The following ARID4A variants were observed in gnomAD, a reference collection of about 807,000 sequenced individuals.
ARID4A encodes the protein AT-rich interactive domain-containing protein 4A.
Under a neutral mutation model 148.6 loss-of-function variants are expected in ARID4A, and 39 were observed. That is an observed-to-expected ratio of 0.26 (90% CI 0.20 to 0.34). The LOEUF is 0.34. Ranked by LOEUF, ARID4A falls within the 10% of genes least tolerant of loss-of-function variation. The probability of loss-of-function intolerance (pLI) is 1.00; values close to 1 mark genes in which losing one functional copy is unlikely to be tolerated. For missense variants in ARID4A, 1,265 were observed against 1,449.1 expected (o/e 0.87, Z 2.06); for synonymous variants, 475 against 481.2 (o/e 0.99, Z 0.17).
chr14:58,318,808 G>A lies in ARID4A; in HGVS notation c.449+3G>A, dbSNP rs754315317. On this transcript the variant is annotated splice_donor_region_variant and intron_variant, in intron 7 of 23. Coordinates refer to ENST00000355431, the MANE Select transcript of ARID4A (RefSeq NM_002892.4). ...GGAAGGAGATCTTCTCTTCCTGTGT[G>A]AGTTTTTTCATATATGGTATCATTT... The A allele has an allele frequency of 1.2e-6, 2 of 1,605,486 alleles. No individual in the cohort carries two copies. Among genetic ancestry groups the A allele is most frequent in the Admixed American group, 3.3e-5 (2 of 59,878 alleles).
At chr14:58,302,419 G>A (rs866840685) in intron 3 of ARID4A, among the ~76,000 whole-genome samples, 6 of 151,834 alleles carry the variant, frequency 4.0e-5, no homozygotes, top group Admixed American at 6.6e-5. Flanking sequence ...GCTTGAACCC[G>A]GGAGGCGGAG....
chr14:58,330,322 G>C (rs977371846), intron 11 of ARID4A, among the ~76,000 whole-genome samples, 153 bp downstream of exon 11: 1 of 152,094 alleles, frequency 6.6e-6, no homozygotes, highest in Admixed American at 6.5e-5. Context: ...AAGCATTTTG[G>C]CTCATAGCAT....
At chr14:58,312,008 C>T (rs2032077116) in intron 5 of ARID4A, among the ~76,000 whole-genome samples, 1 of 152,034 alleles carries the variant, frequency 6.6e-6, no homozygotes, top group South Asian at 2.1e-4. Context: ...AGTTCAAGAG[C>T]TCCATTGTAC....
At chr14:58,299,884 G>T in intron 2 of ARID4A, 24 bp downstream of exon 2, 1 of 1,614,170 alleles carries the variant, frequency 6.2e-7, no homozygotes, top group Non-Finnish European at 8.5e-7. Flanking sequence ...ACTCTGCCCC[G>T]ATCCTCGCGC....
intron 1 of ARID4A, chr14:58,299,593 G>T: frequency 3.5e-6 from 2 of 564,360 alleles, no homozygotes; most frequent in East Asian, 2.9e-5. Context: ...GGCGAGCTCC[G>T]GGGCGGAACG....
At chr14:58,314,027 A>G (rs1438800217) in intron 5 of ARID4A, among the ~76,000 whole-genome samples, 1 of 152,220 alleles carries the variant, frequency 6.6e-6, no homozygotes, top group Non-Finnish European at 1.5e-5. Context: ...AGTCAAGTTC[A>G]CATCTAAAAT....
At chr14:58,337,895 G>GT (rs1412776517) in intron 11 of ARID4A, among the ~76,000 whole-genome samples, 2 of 152,132 alleles carry the variant, frequency 1.3e-5, no homozygotes, top group Non-Finnish European at 2.9e-5. Flanking sequence ...CGAAGTCTGG[G>GT]TTTTTTATCA....
chr14:58,325,181 C>T lies in ARID4A; in HGVS notation c.582+1564C>T, dbSNP rs953285847. 2.6e-5 allele frequency among the ~76,000 whole-genome samples: 4 copies of T among 152,256 alleles called. No individual in the cohort carries two copies. In the South Asian group the frequency reaches 8.3e-4, roughly 32 times the overall value. ...TGCCTTTTTTCTTCTCTTCCTACTC[C>T]TTTACTTCCTCCTCCACTTCTTCAT... On this transcript the variant is annotated intron_variant, in intron 8 of 23. Coordinates refer to ENST00000355431, the MANE Select transcript of ARID4A (RefSeq NM_002892.4).
At chr14:58,365,357 T>A in intron 20 of ARID4A, 57 bp downstream of exon 20, 1 of 1,529,978 alleles carries the variant, frequency 6.5e-7, no homozygotes, top group African/African-American at 1.4e-5. Flanking sequence ...TCAAAACTGT[T>A]GAGTTTCAGG....
At chr14:58,344,618 G>A (rs1475696124) in intron 11 of ARID4A, 77 bp from the exon 12 acceptor site, 7 of 1,016,816 alleles carry the variant, frequency 6.9e-6, no homozygotes, top group African/African-American at 1.7e-5. Flanking sequence ...ACTTTACATT[G>A]GGTTCACAAA....
intron 17 of ARID4A, among the ~76,000 whole-genome samples, chr14:58,354,233 C>T (rs574665743): frequency 1.9e-4 from 29 of 152,252 alleles, no homozygotes; most frequent in Middle Eastern, 3.4e-3. Context: ...TGACTATGAG[C>T]AGGGAGCCAG....
intron 5 of ARID4A, among the ~76,000 whole-genome samples, chr14:58,317,295 T>A (rs917938428): frequency 1.3e-5 from 2 of 150,400 alleles, no homozygotes; most frequent in South Asian, 4.2e-4. Flanking sequence ...TTTTTATTTT[T>A]TTTTTTTGGG....
chr14:58,301,996 T>C (rs1270752947), intron 3 of ARID4A, among the ~76,000 whole-genome samples: 2 of 152,208 alleles, frequency 1.3e-5, no homozygotes, highest in South Asian at 4.1e-4. Flanking sequence ...GAGACAATTT[T>C]AGTGTTTAGG....
intron 5 of ARID4A, among the ~76,000 whole-genome samples, chr14:58,313,643 T>C (rs931818570): frequency 6.6e-6 from 1 of 152,168 alleles, no homozygotes; most frequent in African/African-American, 2.4e-5. Flanking sequence ...GCTGGAGACC[T>C]GAGATGCCAA....
intron 7 of ARID4A, among the ~76,000 whole-genome samples, chr14:58,321,577 C>T (rs979789750): frequency 2.6e-5 from 4 of 152,014 alleles, no homozygotes; most frequent in Non-Finnish European, 1.5e-5. Flanking sequence ...CTACAAGGGT[C>T]CCTCATTTAT....
chr14:58,320,317 A>C lies in ARID4A; in HGVS notation c.449+1512A>C, dbSNP rs183246062. 4.6e-4 allele frequency among the ~76,000 whole-genome samples: 70 copies of C among 152,280 alleles called. 1 individual carries two copies. The highest frequency in any genetic ancestry group is 4.3e-3 in the Admixed American group (65 of 15,286). On this transcript the variant is annotated intron_variant, in intron 7 of 23. Coordinates refer to ENST00000355431, the MANE Select transcript of ARID4A (RefSeq NM_002892.4). ...TATTTGAGAGGAAGTGGCAAGCATC[A>C]TGATCCTTTATCATTAAATATTTAG... is the stretch of plus-strand genomic sequence containing the variant.
intron 7 of ARID4A, among the ~76,000 whole-genome samples, chr14:58,319,922 T>C (rs1174683053): frequency 6.6e-6 from 1 of 150,664 alleles, no homozygotes; most frequent in Non-Finnish European, 1.5e-5. Context: ...ATTCCCTCTC[T>C]ATATATATAC....
intron 7 of ARID4A, among the ~76,000 whole-genome samples, chr14:58,321,941 TTTG>T (rs201192311): frequency 1.3e-4 from 15 of 116,222 alleles, no homozygotes; most frequent in African/African-American, 4.2e-4. Context: ...AATTTTCTTT[TTTG>T]TTGTTGTTGT....
At chr14:58,326,542 G>T (rs2033223552) in intron 8 of ARID4A, among the ~76,000 whole-genome samples, 1 of 152,220 alleles carries the variant, frequency 6.6e-6, no homozygotes, top group Admixed American at 6.5e-5. Context: ...ATATAGCTGT[G>T]AACATAATTT....
Sources: allele counts gnomAD v4.1 joint callset (sites outside exome capture counted in the v4.1 genomes callset), GRCh38; gene constraint gnomAD v4.1.1; transcripts MANE v1.5; gene names NCBI Gene and HGNC (gene_info 2026-07-23, HGNC 2026-07-21).